Variants in TCF7 observed in about 807,000 individuals in gnomAD.
The protein encoded by TCF7 is transcription factor 7.
In TCF7, 19 loss-of-function variants were observed where a neutral mutation model predicts 46.8. The observed-to-expected ratio is 0.41, with a 90% CI of 0.28 to 0.60. TCF7 has a LOEUF of 0.60. Ranked by LOEUF, TCF7 falls within the 20% of genes least tolerant of loss-of-function variation. The pLI is 0.35. For missense variants in TCF7, 547 were observed against 504.6 expected (o/e 1.08, Z -0.81); for synonymous variants, 245 against 213.4 (o/e 1.15, Z -1.29).
In TCF7 at chr5:134,139,011, T is replaced by A; in HGVS notation, c.608T>A (p.Met203Lys). Residue 203 changes from methionine (M) to lysine (K), a missense_variant, in exon 5 of 10, where the codon ATG becomes AAG. Transcript: ENST00000342854. ...SGFYSLTSGS[M>K]GQLPHTVSWF... Reference sequence around the variant, plus strand: ...TTCTACTCCCTGACCTCAGGCAGCATGGGGCAGCTCCCCCACACTGTGAGC... The same window carrying A: ...TTCTACTCCCTGACCTCAGGCAGCAAGGGGCAGCTCCCCCACACTGTGAGC... 6.2e-7 allele frequency: 1 copy of A among 1,613,920 alleles called. No individual in the cohort carries two copies. The highest frequency in any genetic ancestry group is 1.3e-5 in the African/African-American group (1 of 75,040).
intron 3 of TCF7, 83 bp from the exon 4 acceptor site, chr5:134,137,976 C>A: frequency 8.5e-7 from 1 of 1,180,516 alleles, no homozygotes; most frequent in Non-Finnish European, 1.2e-6. Context: ...TCTTTGACAG[C>A]TGGGCTTCCT....
At chr5:134,121,585 C>CAA (rs372851057) in intron 3 of TCF7, among the ~76,000 whole-genome samples, 11 of 100,082 alleles carry the variant, frequency 1.1e-4, no homozygotes, top group Non-Finnish European at 1.1e-4. Flanking sequence ...CCAGACTCCT[C>CAA]AAAAAAAAAA....
Position 134,146,683 on chromosome 5 carries a change from G to A in TCF7, c.*380G>A, listed in dbSNP as rs1370501917. The A allele has an allele frequency of 1.8e-5, 11 of 625,814 alleles. No individual in the cohort carries two copies. Among genetic ancestry groups the A allele is most frequent in the Middle Eastern group, 4.2e-4 (1 of 2,374 alleles). 38.8% of individuals were successfully genotyped at this position (625,814 alleles called of 1,614,324 possible). A position where few individuals can be genotyped will look rare whatever the true frequency, so the allele number is the denominator to read the frequency against. ...ACTTCTGCCTGAACCTGGGGTCATC[G>A]ATTCAAACTGCTCCAAGTGGTGGGA... On this transcript the variant is annotated 3_prime_UTR_variant, in exon 10 of 10. Transcript: ENST00000342854.
In TCF7 at chr5:134,142,813, T is replaced by G. The variant is rs1206675207; in HGVS notation, c.848T>G (p.Met283Arg). Residue 283 changes from methionine to arginine, a missense_variant, in exon 7 of 10, where the codon ATG becomes AGG. Physicochemically the swap from Met to Arg is moderately conservative, Grantham distance 91 (BLOSUM62 -1). Coordinates refer to ENST00000342854, the MANE Select transcript of TCF7 (RefSeq NM_003202.5). ...GCCTTCATGCTGTACATGAAGGAGA[T>G]GAGAGCCAAGGTCATTGCAGAGTGC... ...LNAFMLYMKE[M>R]RAKVIAECTL... The G allele has an allele frequency of 6.2e-7, 1 of 1,613,962 alleles. No individual in the cohort carries two copies. Among genetic ancestry groups the G allele is most frequent in the Admixed American group, 1.7e-5 (1 of 59,992 alleles).
rs370601770 is a variant in TCF7 at position 134,138,948 on chromosome 5, C to T, written c.548-3C>T. ...CCACTCACTCAGCTTCTCTCCTCTG[C>T]AGTTCACAGGCCTCTGCAGACCCCT... On this transcript the variant is annotated splice_polypyrimidine_tract_variant and splice_region_variant and intron_variant, in intron 4 of 9. Transcript: ENST00000342854. The T allele has an allele frequency of 1.1e-5, 17 of 1,613,696 alleles. No homozygotes were observed. The South Asian group carries it at 1.4e-4, about 14-fold the overall frequency.
intron 5 of TCF7, chr5:134,140,973 T>C (rs944347049): frequency 3.7e-5 from 12 of 327,332 alleles, no homozygotes; most frequent in African/African-American, 2.5e-4. Context: ...AGGCCAGTGC[T>C]TGCCCTGTGT....
rs1342191302 is a variant in TCF7, at chr5:134,115,932, A to T, written c.340A>T (p.Ser114Cys). Residue 114 changes from serine to cysteine, a missense_variant, in exon 3 of 10, where the codon AGC becomes TGC. By Grantham distance (112) the Ser-to-Cys change is moderately radical (BLOSUM62 -1). Around this residue, in one of 3 missense-constraint regions of TCF7, gnomAD observed 425 missense variants for 349.9 expected, o/e 1.21. Transcript: ENST00000342854. ...EDGLKAPECTSGMYKETVYSA... is the reference protein window; with the variant it reads ...EDGLKAPECTCGMYKETVYSA... ...AGGCCTGAAGGCCCCGGAGTGCACC[A>T]GCGGCATGTACAAAGAGACCGTCTA... 5 of 1,613,964 alleles carry T rather than the reference A, an allele frequency of 3.1e-6. No individual in the cohort carries two copies. The highest frequency in any genetic ancestry group is 4.2e-6 in the Non-Finnish European group (5 of 1,180,010).
At chr5:134,123,050 G>T (rs1419851226) in intron 3 of TCF7, among the ~76,000 whole-genome samples, 2 of 152,232 alleles carry the variant, frequency 1.3e-5, no homozygotes, top group Non-Finnish European at 2.9e-5. Flanking sequence ...GATAACGAGG[G>T]TTCTCACCTG....
chr5:134,142,493 G>C (rs1018790037), intron 6 of TCF7, among the ~76,000 whole-genome samples, 189 bp downstream of exon 6: 1 of 152,104 alleles, frequency 6.6e-6, no homozygotes, highest in African/African-American at 2.4e-5. Flanking sequence ...AACAGAGGAG[G>C]GGCTCAGAAG....
At chr5:134,135,124 TTTTTA>T (rs1296158179) in intron 3 of TCF7, among the ~76,000 whole-genome samples, 5 of 152,100 alleles carry the variant, frequency 3.3e-5, no homozygotes, top group African/African-American at 7.2e-5. Flanking sequence ...CAGCTAGTTA[TTTTTA>T]TTTTATTTTT....
rs770896160 is a variant in TCF7 at position 134,145,646 on chromosome 5, G to C, written c.1076-578G>C. Reference sequence around the variant, plus strand: ...ACCACACTCCCTGTCCAAGGGCAAGGAGGAGTTTGGGGTGTGTCTGTGTAT... The same window carrying C: ...ACCACACTCCCTGTCCAAGGGCAAGCAGGAGTTTGGGGTGTGTCTGTGTAT... On this transcript the variant is annotated intron_variant, in intron 9 of 9. Coordinates refer to ENST00000342854, the MANE Select transcript of TCF7 (RefSeq NM_003202.5). The C allele has an allele frequency of 1.6e-4, 213 of 1,319,278 alleles. 1 individual carries two copies. Among genetic ancestry groups the C allele is most frequent in the Middle Eastern group, 9.2e-4 (5 of 5,436 alleles). 81.7% of individuals were successfully genotyped at this position (1,319,278 alleles called of 1,614,324 possible).
intron 2 of TCF7, 172 bp from the exon 3 acceptor site, chr5:134,115,737 C>T (rs1755719620): frequency 3.5e-6 from 5 of 1,446,656 alleles, no homozygotes; most frequent in South Asian, 1.5e-5. Context: ...GAGGCCTGCC[C>T]TCCAGGTCCT....
At chr5:134,123,780 A>G (rs569180268) in intron 3 of TCF7, 24 of 456,316 alleles carry the variant, frequency 5.3e-5, no homozygotes, top group South Asian at 3.7e-4. Context: ...GTACCCACCC[A>G]CAGATGGTGT....
At chr5:134,135,469 G>A (rs535958007) in intron 3 of TCF7, among the ~76,000 whole-genome samples, 1 of 152,312 alleles carries the variant, frequency 6.6e-6, no homozygotes, top group South Asian at 2.1e-4. Flanking sequence ...CAAGGAGGAA[G>A]TGGTGGGATT....
intron 2 of TCF7, 52 bp downstream of exon 2, chr5:134,115,439 C>CCGGGGGGGGGGGGGG: frequency 6.4e-7 from 1 of 1,551,722 alleles, no homozygotes. Context: ...GCCCTGGCCT[C>CCGGGGGGGGGGGGGG]GGTGGGACGG....
chr5:134,109,647 G>A, the TCF7 span, among the ~76,000 whole-genome samples: 3 of 152,084 alleles, frequency 2.0e-5, no homozygotes, highest in Non-Finnish European at 4.4e-5. Flanking sequence ...GCAGGTGCCT[G>A]TAATCCCAGC....
chr5:134,142,229 A>C lies in TCF7; in HGVS notation c.680A>C (p.His227Pro). The change falls in exon 6 of 10, where the codon CAC (histidine) becomes CCC (proline). Residue 227 changes from histidine (H) to proline (P), a missense_variant. This residue lies in a region of TCF7 where 425 missense variants were observed against 349.9 expected (regional missense o/e 1.21). Transcript: ENST00000342854. ...SLMLGSGVPG[H>P]PAAIPHPAIV... The stretch of plus-strand genomic sequence containing the variant: ...ATGCTAGGTTCTGGTGTACCTGGTC[A>C]CCCAGCAGCCATCCCCCACCCGGCC... The C allele has an allele frequency of 6.2e-7, 1 of 1,612,818 alleles. No individual in the cohort carries two copies.
chr5:134,142,860 A>T lies in TCF7; in HGVS notation c.895A>T (p.Ile299Phe). The change falls in exon 7 of 10, where the codon ATC becomes TTC. Residue 299 changes from isoleucine to phenylalanine, a missense_variant. Transcript: ENST00000342854. The part of the protein sequence containing the change: ...AECTLKESAA[I>F]NQILGRRWHA... ...GTGCACACTTAAGGAGAGCGCTGCC[A>T]TCAACCAGATCCTGGGCCGCAGGGT... The T allele has an allele frequency of 6.2e-7, 1 of 1,614,134 alleles. No homozygotes were observed. Among genetic ancestry groups the T allele is most frequent in the Non-Finnish European group, 8.5e-7 (1 of 1,179,958 alleles).
At chr5:134,123,775 C>G (rs982094131) in intron 3 of TCF7, 3 of 456,280 alleles carry the variant, frequency 6.6e-6, no homozygotes, top group Non-Finnish European at 1.3e-5. Flanking sequence ...AGGCGGTACC[C>G]ACCCACAGAT....
Sources: gnomAD v4.1 joint callset for allele counts (sites outside exome capture counted in the v4.1 genomes callset) on GRCh38, gnomAD v4.1.1 for gene constraint, gnomAD v4.1.1 regional missense constraint, MANE v1.5 for transcripts, NCBI Gene and HGNC (gene_info 2026-07-23, HGNC 2026-07-21) for gene names.